CD300C: variants seen among roughly 807,000 people sequenced by gnomAD.
CD300C encodes CMRF35-like molecule 6.
Under a neutral mutation model 18.4 loss-of-function variants are expected in CD300C, and 11 were observed. The ratio of observed to expected loss-of-function variants is 0.60; its 90% CI spans 0.38 to 0.99. The LOEUF (loss-of-function observed/expected upper bound fraction) is 0.99. CD300C is among the 50% of genes least tolerant of loss of function. The pLI, the probability that CD300C is intolerant of heterozygous loss-of-function variation, is 0.01. For synonymous variants in CD300C, 116 were observed against 116.3 expected, an observed-to-expected ratio of 1.00 and a Z score of 0.02; for missense variants, 277 against 287.4, an observed-to-expected ratio of 0.96 and a Z score of 0.26.
In CD300C at chr17:74,542,849, C is replaced by T. The variant is rs746063618; in HGVS notation, c.527+12G>A. 6.2e-7 allele frequency: 1 copy of T among 1,603,024 alleles called. No homozygotes were observed. Among genetic ancestry groups the T allele is most frequent in the Non-Finnish European group, 8.5e-7 (1 of 1,179,624 alleles). ...CGCCAGCGTGGCCCAGTCCTATGCG[C>T]AGGCACCTTACCCAGGGTGTGGGCT... On this transcript the variant is annotated intron_variant, in intron 3 of 3. Coordinates refer to ENST00000330793, the MANE Select transcript of CD300C (RefSeq NM_006678.5).
Position 74,541,288 on chromosome 17 carries a change from G to A in CD300C, c.*301C>T, listed in dbSNP as rs1330768165. ...GAAAACGGTGGAGGAAGCAGTGCCA[G>A]GCTCCTGGAGAAATGGAAGGGTGCA... On this transcript the variant is annotated 3_prime_UTR_variant, in exon 4 of 4. Coordinates refer to ENST00000330793, the MANE Select transcript of CD300C (RefSeq NM_006678.5). 3.2e-6 allele frequency: 1 copy of A among 313,738 alleles called. No homozygotes were observed. Among genetic ancestry groups the A allele is most frequent in the Admixed American group, 4.1e-5 (1 of 24,520 alleles). 19.4% of individuals were successfully genotyped at this position (313,738 alleles called of 1,614,324 possible).
At chr17:74,539,188 G>A (rs1908466717), downstream of CD300C, among the ~76,000 whole-genome samples, 1 of 152,138 alleles carries the variant, frequency 6.6e-6, no homozygotes, top group Admixed American at 6.5e-5. Flanking sequence ...AGCACCAGAG[G>A]CCGAGCGGAG....
In CD300C at chr17:74,544,610, C is replaced by T. The variant is rs760499467; in HGVS notation, c.399G>A (p.Pro133=). Reference sequence around the variant, plus strand: ...GTGCTGAGAAAAGGAGGGGCTCACCCGGGAACACGGACACCTCAACCTCGA... The same window carrying T: ...GTGCTGAGAAAAGGAGGGGCTCACCTGGGAACACGGACACCTCAACCTCGA... ...PIVEVEVSVF[P]AGTTTASSPQ... Residue 133 remains proline (P), a splice_region_variant and synonymous_variant, in exon 2 of 4, where the codon CCG becomes CCA. Transcript: ENST00000330793. The T allele has an allele frequency of 5.0e-6, 8 of 1,607,670 alleles. No individual in the cohort carries two copies. Among genetic ancestry groups the T allele is most frequent in the African/African-American group, 2.7e-5 (2 of 74,834 alleles).
rs1335315163 is a variant in CD300C, at chr17:74,541,742, G to A, written c.528-6C>T. 6.2e-7 allele frequency: 1 copy of A among 1,611,588 alleles called. No homozygotes were observed. Among genetic ancestry groups the A allele is most frequent in the Non-Finnish European group, 8.5e-7 (1 of 1,178,840 alleles). ...GGACATTGCTGAACAGGGAGCTGTG[G>A]GGACACGGTGACAGGCAGTGAGTCA... On this transcript the variant is annotated splice_polypyrimidine_tract_variant and splice_region_variant and intron_variant, in intron 3 of 3. Coordinates refer to ENST00000330793, the MANE Select transcript of CD300C (RefSeq NM_006678.5).
chr17:74,535,403 AGGTTG>A, the CD300C span, among the ~76,000 whole-genome samples: 610 of 142,576 alleles, frequency 4.3e-3, 4 homozygotes, highest in East Asian at 0.044. Context: ...CAGAAGGCGG[AGGTTG>A]CAGTGAGCCG....
At position 74,543,006 on chromosome 17, in the gene CD300C, T is replaced by G. The variant is rs1163597888; in HGVS notation, c.401-19A>C. 1 of 1,612,700 alleles carries G rather than the reference T, an allele frequency of 6.2e-7. No homozygotes were observed. Among genetic ancestry groups the G allele is most frequent in the Non-Finnish European group, 8.5e-7 (1 of 1,179,944 alleles). On this transcript the variant is annotated intron_variant, in intron 2 of 3. Transcript: ENST00000330793. Reference sequence around the variant, plus strand: ...GTCCCGGCTGTGGGTGAAACACAGGTCAACCTTGATGACATCACATGGGTC... The same window carrying G: ...GTCCCGGCTGTGGGTGAAACACAGGGCAACCTTGATGACATCACATGGGTC...
downstream of CD300C, among the ~76,000 whole-genome samples, chr17:74,539,362 TCC>T (rs1031898954): frequency 6.6e-6 from 1 of 152,038 alleles, no homozygotes; most frequent in Non-Finnish European, 1.5e-5. Context: ...CCCAATGCAA[TCC>T]CGGGCCTTCC....
At chr17:74,540,647 A>AGTTCCAG (rs1908516841), downstream of CD300C, among the ~76,000 whole-genome samples, 1 of 152,168 alleles carries the variant, frequency 6.6e-6, no homozygotes, top group African/African-American at 2.4e-5. Flanking sequence ...GCGACCCTGG[A>AGTTCCAG]ACTGAAATGG....
the CD300C span, among the ~76,000 whole-genome samples, chr17:74,535,377 G>A: frequency 2.4e-3 from 362 of 150,448 alleles, 1 homozygote; most frequent in Admixed American, 4.0e-3. Flanking sequence ...GCTGAGGCAG[G>A]AGAATCACTT....
intron 1 of CD300C, among the ~76,000 whole-genome samples, chr17:74,545,511 C>T (rs1035554468): frequency 1.3e-5 from 2 of 152,168 alleles, no homozygotes; most frequent in East Asian, 1.9e-4. Flanking sequence ...CTTCCTGTCT[C>T]GGGCACAGAG....
At chr17:74,541,883 C>T in intron 3 of CD300C, 147 bp from the exon 4 acceptor site, 1 of 804,134 alleles carries the variant, frequency 1.2e-6, no homozygotes, top group Non-Finnish European at 1.9e-6. Flanking sequence ...GTCTCAGCAT[C>T]ACGGCCCCTA....
chr17:74,536,317 A>G (rs1908372948), downstream of CD300C, among the ~76,000 whole-genome samples: 1 of 152,178 alleles, frequency 6.6e-6, no homozygotes, highest in African/African-American at 2.4e-5. Context: ...TTGGATCATG[A>G]GGTCAGGAGA....
chr17:74,542,977 G>T lies in CD300C; in HGVS notation c.411C>A (p.Thr137=). The T allele has an allele frequency of 6.2e-7, 1 of 1,613,614 alleles. No individual in the cohort carries two copies. The highest frequency in any genetic ancestry group is 8.5e-7 in the Non-Finnish European group (1 of 1,180,008). Reference sequence around the variant, plus strand: ...TGGAGCTCTGGGGGCTGGAGGCTGTGGTCGTCCCGGCTGTGGGTGAAACAC... The same window carrying T: ...TGGAGCTCTGGGGGCTGGAGGCTGTTGTCGTCCCGGCTGTGGGTGAAACAC... The part of the protein sequence containing the change: ...VEVSVFPAGT[T]TASSPQSSMG... The change falls in exon 3 of 4, where the codon ACC becomes ACA. Residue 137 remains threonine, a synonymous_variant. Transcript: ENST00000330793.
At chr17:74,534,848 A>C in the CD300C span, among the ~76,000 whole-genome samples, 1 of 152,230 alleles carries the variant, frequency 6.6e-6, no homozygotes, top group Non-Finnish European at 1.5e-5. Flanking sequence ...TAAACTAGGA[A>C]TTAAAAGGTG....
At chr17:74,540,820 C>A (rs563364874), downstream of CD300C, among the ~76,000 whole-genome samples, 11 of 152,280 alleles carry the variant, frequency 7.2e-5, no homozygotes, top group East Asian at 2.1e-3. Flanking sequence ...AGGTCAGGTC[C>A]CCTTGAAGAA....
At chr17:74,535,353 C>T in the CD300C span, among the ~76,000 whole-genome samples, 2 of 151,580 alleles carry the variant, frequency 1.3e-5, no homozygotes, top group South Asian at 4.2e-4. Context: ...CCTGTAATCC[C>T]AGCAACTTGG....
rs1908543653 is a variant in CD300C at position 74,541,468 on chromosome 17, G to A, written c.*121C>T. Reference sequence around the variant, plus strand: ...ATCGGGCACAGGGAAAAGGCTGAAGGAGGCTCACAAAGGATTCCAGGAGAT... The same window carrying A: ...ATCGGGCACAGGGAAAAGGCTGAAGAAGGCTCACAAAGGATTCCAGGAGAT... On this transcript the variant is annotated 3_prime_UTR_variant, in exon 4 of 4. Transcript: ENST00000330793. 2 of 726,898 alleles carry A rather than the reference G, an allele frequency of 2.8e-6. No individual in the cohort carries two copies. The highest frequency in any genetic ancestry group is 1.9e-5 in the Admixed American group (1 of 52,492). 45.0% of individuals were successfully genotyped at this position (726,898 alleles called of 1,614,324 possible). A position where few individuals can be genotyped will look rare whatever the true frequency, so the allele number is the denominator to read the frequency against.
intron 1 of CD300C, among the ~76,000 whole-genome samples, chr17:74,545,182 G>A (rs1908710580): frequency 6.6e-6 from 1 of 152,184 alleles, no homozygotes; most frequent in African/African-American, 2.4e-5. Flanking sequence ...CACTGGGTGT[G>A]TGCGGGCCTG....
downstream of CD300C, among the ~76,000 whole-genome samples, chr17:74,538,263 A>C (rs1908438847): frequency 6.6e-6 from 1 of 152,180 alleles, no homozygotes; most frequent in Non-Finnish European, 1.5e-5. Context: ...CTCACAATCC[A>C]GCTGACTCTG....
Sources: allele counts gnomAD v4.1 joint callset (sites outside exome capture counted in the v4.1 genomes callset), GRCh38; gene constraint gnomAD v4.1.1; transcripts MANE v1.5; gene names NCBI Gene and HGNC (gene_info 2026-07-23, HGNC 2026-07-21).